Variants in GABRB1 observed in about 807,000 individuals in gnomAD.
GABRB1 encodes gamma-aminobutyric acid receptor subunit beta-1.
In GABRB1, 17 loss-of-function variants were observed where a neutral mutation model predicts 51.6. That is an observed-to-expected ratio of 0.33 (90% CI 0.23 to 0.49). The LOEUF (loss-of-function observed/expected upper bound fraction) is 0.49, where lower values mean the gene tolerates loss of function less well. Ranked by LOEUF, GABRB1 falls within the 20% of genes least tolerant of loss-of-function variation. The probability of loss-of-function intolerance (pLI) is 0.99; values close to 1 mark genes in which losing one functional copy is unlikely to be tolerated. For synonymous variants in GABRB1, 247 were observed against 218.9 expected, an observed-to-expected ratio of 1.13 and a Z score of -1.14; for missense variants, 410 against 600.6, an observed-to-expected ratio of 0.68 and a Z score of 3.32.
intron 4 of GABRB1, among the ~76,000 whole-genome samples, chr4:47,316,731 C>T (rs1177243418): frequency 4.6e-5 from 7 of 151,904 alleles, no homozygotes; most frequent in African/African-American, 1.7e-4. Flanking sequence ...AAGGTGATTT[C>T]TTGGCACAGG....
chr4:47,397,519 T>G (rs1728216510), intron 5 of GABRB1, among the ~76,000 whole-genome samples: 1 of 152,192 alleles, frequency 6.6e-6, no homozygotes, highest in Admixed American at 6.5e-5. Flanking sequence ...AGTATTGAGA[T>G]TGTATAATGT....
chr4:47,306,762 A>T (rs1393244263), intron 4 of GABRB1, among the ~76,000 whole-genome samples: 1 of 152,102 alleles, frequency 6.6e-6, no homozygotes, highest in Non-Finnish European at 1.5e-5. Context: ...TTTGTTTTCC[A>T]CACAACACTA....
At chr4:47,324,776 T>C (rs1029035542) in intron 5 of GABRB1, among the ~76,000 whole-genome samples, 6 of 152,346 alleles carry the variant, frequency 3.9e-5, no homozygotes, top group Admixed American at 1.3e-4. Context: ...TTGAGTTTAA[T>C]TTGCTCAAAA....
intron 1 of GABRB1, among the ~76,000 whole-genome samples, chr4:47,011,529 T>C (rs1347012284): frequency 1.3e-5 from 2 of 152,144 alleles, no homozygotes; most frequent in Non-Finnish European, 2.9e-5. Context: ...AACAGAAACA[T>C]ATCAGACTCA....
intron 4 of GABRB1, among the ~76,000 whole-genome samples, chr4:47,303,201 A>G (rs537414035): frequency 8.6e-4 from 130 of 152,012 alleles, no homozygotes; most frequent in African/African-American, 3.0e-3. Context: ...TTTGTAATTT[A>G]TTTGAAATTG....
chr4:47,081,139 T>C (rs1396107062), intron 3 of GABRB1, among the ~76,000 whole-genome samples: 3 of 152,170 alleles, frequency 2.0e-5, no homozygotes, highest in Admixed American at 2.0e-4. Context: ...TAACGAAGCC[T>C]TTGATAACTC....
rs575778768 is a variant in GABRB1, at chr4:47,415,542, C to G, written c.1080+8616C>G. Reference sequence around the variant, plus strand: ...TCACGCAGAAGTCAATTCTTCTCACCAGGAAGATGGAAAATGCTAAATGCC... The same window carrying G: ...TCACGCAGAAGTCAATTCTTCTCACGAGGAAGATGGAAAATGCTAAATGCC... On this transcript the variant is annotated intron_variant, in intron 8 of 8. Transcript: ENST00000295454. Among the ~76,000 whole-genome samples the G allele has an allele frequency of 2.0e-5, 3 of 152,230 alleles. No individual in the cohort carries two copies. In the South Asian group the frequency reaches 6.2e-4, roughly 32 times the overall value.
chr4:47,032,955 G>A (rs1375400413), intron 3 of GABRB1: 2 of 350,494 alleles, frequency 5.7e-6, no homozygotes, highest in African/African-American at 4.3e-5. Context: ...CGAGAGCACA[G>A]TCTGGGTTTC....
chr4:47,048,868 C>T (rs1021540723), intron 3 of GABRB1, among the ~76,000 whole-genome samples: 2 of 151,916 alleles, frequency 1.3e-5, no homozygotes, highest in African/African-American at 4.8e-5. Flanking sequence ...TGAATTCTGC[C>T]ATTAAAAACA....
intron 4 of GABRB1, among the ~76,000 whole-genome samples, chr4:47,291,215 C>T (rs898996912): frequency 1.3e-5 from 2 of 152,198 alleles, no homozygotes; most frequent in African/African-American, 4.8e-5. Context: ...CAGGCTGTTG[C>T]TCCAGAGGAC....
intron 4 of GABRB1, among the ~76,000 whole-genome samples, chr4:47,164,520 T>A (rs1718089197): frequency 6.6e-6 from 1 of 152,090 alleles, no homozygotes; most frequent in Admixed American, 6.6e-5. Flanking sequence ...CAGCTCATAG[T>A]CATCATGAAC....
At chr4:47,209,267 C>G (rs1720258557) in intron 4 of GABRB1, among the ~76,000 whole-genome samples, 1 of 152,084 alleles carries the variant, frequency 6.6e-6, no homozygotes, top group African/African-American at 2.4e-5. Context: ...GCCTTGACAG[C>G]ATTCATTATT....
intron 3 of GABRB1, among the ~76,000 whole-genome samples, chr4:47,137,048 C>T (rs562540285): frequency 8.5e-5 from 13 of 152,120 alleles, no homozygotes; most frequent in East Asian, 1.9e-4. Flanking sequence ...GCGGAAAGGG[C>T]GCCACAGAAG....
chr4:47,379,131 G>A (rs577992152), intron 5 of GABRB1, among the ~76,000 whole-genome samples: 1 of 152,232 alleles, frequency 6.6e-6, no homozygotes, highest in East Asian at 1.9e-4. Context: ...TGACTGAGCT[G>A]AGCCTAATAC....
intron 3 of GABRB1, among the ~76,000 whole-genome samples, chr4:47,106,080 A>C (rs1371627379): frequency 6.6e-6 from 1 of 152,068 alleles, no homozygotes; most frequent in Non-Finnish European, 1.5e-5. Flanking sequence ...AAAAGCTGTA[A>C]TTTTACAAAT....
chr4:47,395,768 C>T (rs1179448486), intron 5 of GABRB1, among the ~76,000 whole-genome samples: 1 of 152,134 alleles, frequency 6.6e-6, no homozygotes, highest in African/African-American at 2.4e-5. Context: ...TTCCTAGTCC[C>T]CCCAAAAGAA....
At chr4:47,227,370 A>G (rs1720980730) in intron 4 of GABRB1, among the ~76,000 whole-genome samples, 1 of 152,202 alleles carries the variant, frequency 6.6e-6, no homozygotes, top group South Asian at 2.1e-4. Flanking sequence ...CATATAGTTA[A>G]CCATGTTCTA....
chr4:47,147,755 T>A (rs1224136872), intron 3 of GABRB1, among the ~76,000 whole-genome samples: 2 of 152,050 alleles, frequency 1.3e-5, no homozygotes. Flanking sequence ...GAGGAATGGG[T>A]GTTCCAGACC....
intron 4 of GABRB1, among the ~76,000 whole-genome samples, chr4:47,243,139 G>T (rs962851195): frequency 1.0e-3 from 153 of 152,296 alleles, no homozygotes; most frequent in Non-Finnish European, 1.8e-3. Flanking sequence ...TTATTAAATA[G>T]GGAATCCTTT....
Sources: gnomAD v4.1 joint callset for allele counts (sites outside exome capture counted in the v4.1 genomes callset) on GRCh38, gnomAD v4.1.1 for gene constraint, MANE v1.5 for transcripts, NCBI Gene and HGNC (gene_info 2026-07-23, HGNC 2026-07-21) for gene names.